PAPPA2: variants seen among roughly 807,000 people sequenced by gnomAD.
PAPPA2 encodes the protein pappalysin-2.
A neutral mutation model predicts 176.4 loss-of-function variants in PAPPA2; 86 were observed. The observed-to-expected ratio is 0.49, with a 90% CI of 0.41 to 0.58. The LOEUF (loss-of-function observed/expected upper bound fraction) is 0.58, where lower values mean the gene tolerates loss of function less well. PAPPA2 is among the 20% of genes least tolerant of loss of function. PAPPA2 has a pLI of 0.00. For synonymous variants in PAPPA2, 809 were observed against 852.2 expected, an observed-to-expected ratio of 0.95 and a Z score of 0.88; for missense variants, 2,073 against 2,256.9, an observed-to-expected ratio of 0.92 and a Z score of 1.65.
intron 3 of PAPPA2, among the ~76,000 whole-genome samples, chr1:176,653,565 T>C (rs1032568938): frequency 3.3e-5 from 5 of 151,732 alleles, no homozygotes; most frequent in African/African-American, 1.2e-4. Context: ...ATTCTCTTTA[T>C]TGGGTTCTTC....
At chr1:176,765,494 T>C (rs1487886456) in intron 14 of PAPPA2, among the ~76,000 whole-genome samples, 172 bp from the exon 15 acceptor site, 9 of 152,198 alleles carry the variant, frequency 5.9e-5, no homozygotes, top group Non-Finnish European at 1.0e-4. Context: ...TTTATGTCTA[T>C]TATGCTGCAT....
intron 11 of PAPPA2, 70 bp from the exon 12 acceptor site, chr1:176,711,765 A>G (rs1661155872): frequency 6.7e-7 from 1 of 1,497,848 alleles, no homozygotes; most frequent in Non-Finnish European, 9.2e-7. Context: ...TTTGAGCTGG[A>G]GAGTTTCATT....
At chr1:176,769,807 C>G in intron 16 of PAPPA2, 23 bp downstream of exon 16, 2 of 1,573,498 alleles carry the variant, frequency 1.3e-6, no homozygotes, top group Non-Finnish European at 1.7e-6. Flanking sequence ...CAACCAGGAA[C>G]TGTATGCAAG....
intron 1 of PAPPA2, among the ~76,000 whole-genome samples, chr1:176,520,142 A>T (rs1250562396): frequency 6.6e-6 from 1 of 152,218 alleles, no homozygotes; most frequent in East Asian, 1.9e-4. Flanking sequence ...CAAGGAACAA[A>T]GTGGGAATAA....
intron 3 of PAPPA2, chr1:176,616,437 G>A (rs529130993): frequency 4.6e-6 from 3 of 653,806 alleles, no homozygotes; most frequent in East Asian, 6.7e-5. Flanking sequence ...TTCAACTGAT[G>A]CTAGGGCAAC....
rs765270400 is a variant in PAPPA2, at chr1:176,502,867, C to T, written c.-917+39449C>T. Among the ~76,000 whole-genome samples, 17 of 152,100 alleles carry T rather than the reference C, an allele frequency of 1.1e-4. 1 individual carries two copies. The highest frequency in any genetic ancestry group is 1.6e-4 in the Non-Finnish European group (11 of 68,018). ...GATTAGGTGCCTGTAGAGTCCATGTCGTAGGTTTTTCTTCCAGTTAATAAA... is the reference window on the plus strand; with the variant it reads ...GATTAGGTGCCTGTAGAGTCCATGTTGTAGGTTTTTCTTCCAGTTAATAAA... On this transcript the variant is annotated intron_variant, in intron 1 of 22. Coordinates refer to ENST00000367662, the MANE Select transcript of PAPPA2 (RefSeq NM_020318.3).
At chr1:176,509,888 G>A (rs1648487262) in intron 1 of PAPPA2, among the ~76,000 whole-genome samples, 1 of 151,798 alleles carries the variant, frequency 6.6e-6, no homozygotes, top group African/African-American at 2.4e-5. Context: ...AAACACATTA[G>A]CTGGGCATGG....
At chr1:176,614,192 G>A (rs371093618) in intron 3 of PAPPA2, among the ~76,000 whole-genome samples, 2 of 151,924 alleles carry the variant, frequency 1.3e-5, no homozygotes, top group African/African-American at 4.8e-5. Flanking sequence ...GGAAAGAGGG[G>A]AATGAAAGGA....
intron 2 of PAPPA2, among the ~76,000 whole-genome samples, chr1:176,562,127 C>G (rs914265901): frequency 3.3e-5 from 5 of 152,226 alleles, no homozygotes; most frequent in Non-Finnish European, 7.3e-5. Flanking sequence ...CAAACCATAT[C>G]AAGACCCTTC....
intron 14 of PAPPA2, among the ~76,000 whole-genome samples, chr1:176,752,399 T>C (rs1467503835): frequency 1.3e-5 from 2 of 151,792 alleles, no homozygotes; most frequent in Non-Finnish European, 1.5e-5. Context: ...TGTACATCAT[T>C]TGGAGTCCAG....
At chr1:176,756,062 G>A (rs190606182) in intron 14 of PAPPA2, among the ~76,000 whole-genome samples, 4 of 152,172 alleles carry the variant, frequency 2.6e-5, no homozygotes, top group Admixed American at 6.5e-5. Flanking sequence ...GGGTTCAAGC[G>A]ATTCTCCTGC....
At chr1:176,794,626 G>A (rs111340842) in intron 20 of PAPPA2, among the ~76,000 whole-genome samples, 2 of 152,134 alleles carry the variant, frequency 1.3e-5, no homozygotes, top group African/African-American at 4.8e-5. Flanking sequence ...GCTGAGAAAG[G>A]AACTAATGGC....
At chr1:176,698,915 T>A (rs1660510551) in intron 7 of PAPPA2, among the ~76,000 whole-genome samples, 185 bp from the exon 8 acceptor site, 1 of 152,206 alleles carries the variant, frequency 6.6e-6, no homozygotes. Context: ...AACAAGAGTG[T>A]AATGCTTTTT....
At chr1:176,757,581 T>C (rs1663488691) in intron 14 of PAPPA2, among the ~76,000 whole-genome samples, 1 of 152,232 alleles carries the variant, frequency 6.6e-6, no homozygotes, top group Admixed American at 6.5e-5. Context: ...TTGTTTAAGT[T>C]CTTTGTAGAT....
chr1:176,650,888 G>A (rs1479474533), intron 3 of PAPPA2, among the ~76,000 whole-genome samples: 2 of 151,310 alleles, frequency 1.3e-5, no homozygotes, highest in African/African-American at 4.9e-5. Flanking sequence ...TTGTGTTGTG[G>A]CCACATGAGG....
chr1:176,476,976 A>G (rs1218028005), intron 1 of PAPPA2, among the ~76,000 whole-genome samples: 1 of 152,126 alleles, frequency 6.6e-6, no homozygotes, highest in African/African-American at 2.4e-5. Flanking sequence ...AAAATCCTCT[A>G]AATGGTTTTA....
At chr1:176,641,785 T>C (rs577406746) in intron 3 of PAPPA2, among the ~76,000 whole-genome samples, 13 of 152,084 alleles carry the variant, frequency 8.5e-5, no homozygotes, top group African/African-American at 1.7e-4. Context: ...CTGTTTCTCA[T>C]AAAACTTAAT....
chr1:176,601,140 T>A (rs1172289823), intron 3 of PAPPA2, among the ~76,000 whole-genome samples: 2 of 151,934 alleles, frequency 1.3e-5, no homozygotes, highest in East Asian at 1.9e-4. Context: ...ATCACAGGAG[T>A]GAGTTTCTGA....
chr1:176,501,694 C>A (rs1354847708), intron 1 of PAPPA2, among the ~76,000 whole-genome samples: 1 of 152,144 alleles, frequency 6.6e-6, no homozygotes, highest in Non-Finnish European at 1.5e-5. Flanking sequence ...TTGTAATAGT[C>A]AGAGAAGAGT....
Sources: allele counts gnomAD v4.1 joint callset (sites outside exome capture counted in the v4.1 genomes callset), GRCh38; gene constraint gnomAD v4.1.1; transcripts MANE v1.5; gene names NCBI Gene and HGNC (gene_info 2026-07-23, HGNC 2026-07-21).